Variants in DNAJC10 observed in about 807,000 individuals in gnomAD.
The protein encoded by DNAJC10 is DnaJ heat shock protein family (Hsp40) member C10.
A neutral mutation model predicts 115.0 loss-of-function variants in DNAJC10; 101 were observed. The ratio of observed to expected loss-of-function variants is 0.88; its 90% confidence interval spans 0.75 to 1.04. The LOEUF (loss-of-function observed/expected upper bound fraction) is 1.04, where lower values mean the gene tolerates loss of function less well. DNAJC10 is among the 50% of genes least tolerant of loss of function. The probability of loss-of-function intolerance (pLI) is 0.00; values close to 1 mark genes in which losing one functional copy is unlikely to be tolerated. For synonymous variants in DNAJC10, 307 were observed against 301.5 expected, an observed-to-expected ratio of 1.02 and a Z score of -0.19; for missense variants, 981 against 928.8, an observed-to-expected ratio of 1.06 and a Z score of -0.73.
At chr2:182,727,269 C>A (rs1277416930) in intron 5 of DNAJC10, among the ~76,000 whole-genome samples, 1 of 151,296 alleles carries the variant, frequency 6.6e-6, no homozygotes, top group African/African-American at 2.5e-5. Context: ...GTGTCAAATA[C>A]CATTCAAATT....
Position 182,786,167 on chromosome 2 carries a change from A to G in DNAJC10, c.*9035A>G, listed in dbSNP as rs1694942368. 1 of 152,216 alleles carries G rather than the reference A, an allele frequency of 6.6e-6. No homozygotes were observed. The highest frequency in any genetic ancestry group is 2.4e-5 in the African/African-American group (1 of 41,460). 9.4% of individuals were successfully genotyped at this position (152,216 alleles called of 1,614,324 possible). Reference sequence around the variant, plus strand: ...AAATATTGTTTTTACAACTAAGATAACATTGAAATTTATACAGAACCCCAA... The same window carrying G: ...AAATATTGTTTTTACAACTAAGATAGCATTGAAATTTATACAGAACCCCAA... On this transcript the variant is annotated 3_prime_UTR_variant, in exon 24 of 24. Coordinates refer to ENST00000264065, the MANE Select transcript of DNAJC10 (RefSeq NM_018981.4).
At chr2:182,755,664 A>G (rs1049897510) in intron 17 of DNAJC10, among the ~76,000 whole-genome samples, 1 of 152,186 alleles carries the variant, frequency 6.6e-6, no homozygotes, top group Non-Finnish European at 1.5e-5. Context: ...CTTTGTTAAA[A>G]TATCATTTGG....
At chr2:182,752,005 G>A (rs1468427350) in intron 15 of DNAJC10, 67 bp from the exon 16 acceptor site, 2 of 1,331,800 alleles carry the variant, frequency 1.5e-6, no homozygotes, top group African/African-American at 1.5e-5. Flanking sequence ...ATTACTTGTT[G>A]CAGAAATGAT....
chr2:182,731,231 C>T (rs1574924624), intron 9 of DNAJC10, 124 bp downstream of exon 9: 6 of 610,326 alleles, frequency 9.8e-6, no homozygotes, highest in Non-Finnish European at 2.8e-6. Context: ...CCCAGGATTA[C>T]AATTTTTTTA....
At chr2:182,719,654 TTG>T (rs1398041442) in intron 3 of DNAJC10, among the ~76,000 whole-genome samples, 1 of 152,172 alleles carries the variant, frequency 6.6e-6, no homozygotes, top group Non-Finnish European at 1.5e-5. Flanking sequence ...TGATTTATAA[TTG>T]TTATAGGAGT....
At chr2:182,772,362 C>T (rs1222822621) in intron 22 of DNAJC10, among the ~76,000 whole-genome samples, 2 of 152,124 alleles carry the variant, frequency 1.3e-5, no homozygotes, top group African/African-American at 2.4e-5. Flanking sequence ...GAGTGCAAGT[C>T]CTGGATATCC....
At chr2:182,719,250 C>CTTTTTTTTTT (rs57284693) in intron 3 of DNAJC10, among the ~76,000 whole-genome samples, 12 of 83,686 alleles carry the variant, frequency 1.4e-4, no homozygotes, top group African/African-American at 3.3e-4. Context: ...GGATTGTTTT[C>CTTTTTTTTTT]TTTTTTTTTT....
Position 182,718,084 on chromosome 2 carries a change from A to G in DNAJC10, c.-3A>G. The G allele has an allele frequency of 6.3e-7, 1 of 1,586,572 alleles. No homozygotes were observed. The highest frequency in any genetic ancestry group is 8.6e-7 in the Non-Finnish European group (1 of 1,165,994). ...TTAAATCAGAACTTGCATAAGAAAG[A>G]GAATGGGAGTCTGGTTAAATAAAGA... On this transcript the variant is annotated 5_prime_UTR_variant, in exon 3 of 24. Coordinates refer to ENST00000264065, the MANE Select transcript of DNAJC10 (RefSeq NM_018981.4).
At position 182,761,109 on chromosome 2, in the gene DNAJC10, G is replaced by A. The variant is rs577764604; in HGVS notation, c.2146-1573G>A. ...ACATGAAAGAAAAGGAAGATGAAAA[G>A]AAAGAAATTCCATGTCTTTAAGGAG... On this transcript the variant is annotated intron_variant, in intron 21 of 23. Coordinates refer to ENST00000264065, the MANE Select transcript of DNAJC10 (RefSeq NM_018981.4). Among the ~76,000 whole-genome samples the A allele has an allele frequency of 7.0e-4, 106 of 152,096 alleles. 2 individuals carry two copies. Among genetic ancestry groups the A allele is most frequent in the Admixed American group, 1.2e-3 (18 of 15,262 alleles).
chr2:182,743,620 C>G lies in DNAJC10; in HGVS notation c.1214C>G (p.Ser405Cys), dbSNP rs1489830828. 1.2e-6 allele frequency: 2 copies of G among 1,613,550 alleles called. No individual in the cohort carries two copies. Among genetic ancestry groups the G allele is most frequent in the Non-Finnish European group, 1.7e-6 (2 of 1,179,688 alleles). Residue 405 changes from serine (S) to cysteine (C), a missense_variant, in exon 14 of 24, where the codon TCT (serine) becomes TGT (cysteine). Transcript: ENST00000264065. ...TAGGTTGGCAGGTTTGACTGTTCCT[C>G]TGCACCAGACATCTGTAGTAATCTG... ...HIQVGRFDCS[S>C]APDICSNLYV...
intron 8 of DNAJC10, among the ~76,000 whole-genome samples, chr2:182,730,189 G>T (rs542967244): frequency 2.2e-4 from 34 of 152,248 alleles, no homozygotes; most frequent in African/African-American, 7.9e-4. Flanking sequence ...GGTAAAAAAG[G>T]CATCTCTCAA....
At chr2:182,745,380 C>T (rs1275284128) in intron 14 of DNAJC10, among the ~76,000 whole-genome samples, 10 of 152,204 alleles carry the variant, frequency 6.6e-5, no homozygotes, top group Non-Finnish European at 7.3e-5. Flanking sequence ...ACGATTTTTC[C>T]TCCTGCATTA....
At chr2:182,768,356 G>A (rs1694470280) in intron 22 of DNAJC10, among the ~76,000 whole-genome samples, 1 of 152,134 alleles carries the variant, frequency 6.6e-6, no homozygotes, top group African/African-American at 2.4e-5. Context: ...AATTTAATGA[G>A]CAGTTACAAG....
At chr2:182,756,647 C>G (rs1694163357) in intron 18 of DNAJC10, among the ~76,000 whole-genome samples, 178 bp downstream of exon 18, 2 of 151,996 alleles carry the variant, frequency 1.3e-5, no homozygotes, top group Admixed American at 1.3e-4. Context: ...GTATAGCCTA[C>G]CATTTTTGTG....
intron 14 of DNAJC10, among the ~76,000 whole-genome samples, chr2:182,749,485 CT>C (rs1403042692): frequency 1.3e-5 from 2 of 148,824 alleles, no homozygotes; most frequent in Admixed American, 6.7e-5. Flanking sequence ...CAACCCCTGC[CT>C]TTTTTTGTTT....
Position 182,722,053 on chromosome 2 carries a change from A to G in DNAJC10, c.396A>G (p.Ile132Met). ...FGIYDDDPEI[I>M]TLERREFDAA... ...TTTATGATGATGATCCTGAAATCAT[A>G]ACATTGGAAAGAAGAGAATTTGGTA... The change falls in exon 5 of 24, where the codon ATA becomes ATG. Residue 132 changes from isoleucine (I) to methionine (M), a missense_variant. Ile to Met is a conservative substitution (Grantham distance 10, BLOSUM62 1). Transcript: ENST00000264065. 1 of 1,563,774 alleles carries G rather than the reference A, an allele frequency of 6.4e-7. No homozygotes were observed. The highest frequency in any genetic ancestry group is 2.3e-5 in the East Asian group (1 of 43,266).
At position 182,720,187 on chromosome 2, in the gene DNAJC10, T is replaced by A. The variant is rs1413350022; in HGVS notation, c.367+18T>A. 6.3e-7 allele frequency: 1 copy of A among 1,589,132 alleles called. No individual in the cohort carries two copies. The highest frequency in any genetic ancestry group is 1.4e-5 in the African/African-American group (1 of 73,482). On this transcript the variant is annotated intron_variant, in intron 4 of 23. Transcript: ENST00000264065. ...TGATTTTGGTAAGGTGATACGATAT[T>A]ACTTATGAAATGTGTTTTATCTGAG...
intron 18 of DNAJC10, among the ~76,000 whole-genome samples, chr2:182,757,410 G>A (rs1694182999): frequency 1.3e-5 from 2 of 152,060 alleles, no homozygotes; most frequent in African/African-American, 2.4e-5. Context: ...TTAGTTTCTA[G>A]CACTTTGAAT....
Position 182,791,985 on chromosome 2 carries a change from A to C in DNAJC10, c.*14853A>C, listed in dbSNP as rs1695058898. The C allele has an allele frequency of 6.6e-6, 1 of 152,206 alleles. No homozygotes were observed. Among genetic ancestry groups the C allele is most frequent in the African/African-American group, 2.4e-5 (1 of 41,468 alleles). The allele number at this position is 152,206 out of a possible 1,614,324, so 9.4% of individuals were successfully genotyped here. On this transcript the variant is annotated 3_prime_UTR_variant, in exon 24 of 24. Coordinates refer to ENST00000264065, the MANE Select transcript of DNAJC10 (RefSeq NM_018981.4). ...ATGCAATAATCTAGAGAATCAGAGA[A>C]TTGGATCCTGAAACACCTTATAAGT...
Sources: gnomAD v4.1 joint callset for allele counts (sites outside exome capture counted in the v4.1 genomes callset) on GRCh38, gnomAD v4.1.1 for gene constraint, MANE v1.5 for transcripts, NCBI Gene and HGNC (gene_info 2026-07-23, HGNC 2026-07-21) for gene names.